LRP1B: variants seen among roughly 807,000 people sequenced by gnomAD.
LRP1B encodes LDL receptor related protein 1B.
Under a neutral mutation model 556.6 loss-of-function variants are expected in LRP1B, and 217 were observed. The ratio of observed to expected loss-of-function variants is 0.39; its 90% confidence interval spans 0.35 to 0.44. The LOEUF (loss-of-function observed/expected upper bound fraction) is 0.44, where lower values mean the gene tolerates loss of function less well. Among genes scored for constraint, LRP1B ranks in the 20% least tolerant of loss-of-function variants. LRP1B has a pLI of 1.00. For synonymous variants in LRP1B, 2,047 were observed against 1,865.8 expected, an observed-to-expected ratio of 1.10 and a Z score of -2.50; for missense variants, 5,053 against 5,620.8, an observed-to-expected ratio of 0.90 and a Z score of 3.23.
chr2:141,746,186 G>A (rs1693909965), intron 2 of LRP1B, among the ~76,000 whole-genome samples: 1 of 152,076 alleles, frequency 6.6e-6, no homozygotes, highest in Non-Finnish European at 1.5e-5. Flanking sequence ...CAAGTCCACT[G>A]GCTCCAAGCC....
At chr2:140,705,723 A>G (rs1352208766) in intron 37 of LRP1B, among the ~76,000 whole-genome samples, 1 of 152,030 alleles carries the variant, frequency 6.6e-6, no homozygotes, top group African/African-American at 2.4e-5. Context: ...ATTCTAAGTA[A>G]AACTATTTTT....
rs1045647797 is a variant in LRP1B at position 140,456,176 on chromosome 2, C to T, written c.9963+279G>A. 3.9e-5 allele frequency among the ~76,000 whole-genome samples: 6 copies of T among 152,150 alleles called. No individual in the cohort carries two copies. In the South Asian group the frequency reaches 1.2e-3, roughly 32 times the overall value. On this transcript the variant is annotated intron_variant, in intron 62 of 90. Coordinates refer to ENST00000389484, the MANE Select transcript of LRP1B (RefSeq NM_018557.3). Reference sequence around the variant, plus strand: ...ATTTCCTGCTCTGTTTAAACTCCACCTCCCTTTACCCACTTAGGATTTGAG... The same window carrying T: ...ATTTCCTGCTCTGTTTAAACTCCACTTCCCTTTACCCACTTAGGATTTGAG...
chr2:141,537,218 T>C (rs887659005), intron 2 of LRP1B, among the ~76,000 whole-genome samples: 2 of 152,006 alleles, frequency 1.3e-5, no homozygotes, highest in African/African-American at 2.4e-5. Context: ...GAAGTACATA[T>C]TAGTGAAATG....
intron 1 of LRP1B, among the ~76,000 whole-genome samples, chr2:141,888,796 G>A (rs1699199266): frequency 6.6e-6 from 1 of 152,100 alleles, no homozygotes; most frequent in South Asian, 2.1e-4. Context: ...TGGAGGACAG[G>A]AGTGAAAAAT....
rs565975839 is a variant in LRP1B at position 140,935,236 on chromosome 2, T to A, written c.3137-12089A>T. ...GACTAGACAAAGAATTTAAAACAAC[T>A]GGCTTAAAGATGCATAAAAAAGTCA... On this transcript the variant is annotated intron_variant, in intron 20 of 90. Coordinates refer to ENST00000389484, the MANE Select transcript of LRP1B (RefSeq NM_018557.3). Among the ~76,000 whole-genome samples the A allele has an allele frequency of 6.6e-5, 10 of 152,170 alleles. No individual in the cohort carries two copies. The South Asian group carries it at 2.1e-3, about 32-fold the overall frequency.
chr2:141,597,911 G>T (rs1687580291), intron 2 of LRP1B, among the ~76,000 whole-genome samples: 2 of 151,254 alleles, frequency 1.3e-5, no homozygotes, highest in African/African-American at 4.9e-5. Context: ...GTTTCTTTTT[G>T]GGATAAAAAG....
At chr2:141,069,141 A>C (rs1699564200) in intron 7 of LRP1B, among the ~76,000 whole-genome samples, 1 of 152,024 alleles carries the variant, frequency 6.6e-6, no homozygotes. Flanking sequence ...GAACTCTGGC[A>C]AGTACAAATG....
At chr2:142,106,522 A>C (rs2104979294) in intron 1 of LRP1B, among the ~76,000 whole-genome samples, 1 of 152,296 alleles carries the variant, frequency 6.6e-6, no homozygotes, top group Non-Finnish European at 1.5e-5. Context: ...CACAAACCTA[A>C]ATCTTTGGCT....
At chr2:140,631,688 A>G (rs1425932900) in intron 41 of LRP1B, among the ~76,000 whole-genome samples, 1 of 152,204 alleles carries the variant, frequency 6.6e-6, no homozygotes, top group Non-Finnish European at 1.5e-5. Flanking sequence ...CATAATATAC[A>G]TGTTATTGGA....
intron 32 of LRP1B, among the ~76,000 whole-genome samples, chr2:140,803,553 C>T (rs1387601622): frequency 2.0e-5 from 3 of 152,004 alleles, no homozygotes; most frequent in African/African-American, 4.8e-5. Flanking sequence ...TCGCCTTGGC[C>T]TCCCAAAGTG....
intron 3 of LRP1B, among the ~76,000 whole-genome samples, chr2:141,473,347 A>G (rs1405244103): frequency 6.6e-6 from 1 of 152,188 alleles, no homozygotes; most frequent in Non-Finnish European, 1.5e-5. Flanking sequence ...TGTAGGTGTC[A>G]TTTGTCAATA....
At chr2:140,517,983 A>G (rs1041474720) in intron 49 of LRP1B, among the ~76,000 whole-genome samples, 12 of 152,058 alleles carry the variant, frequency 7.9e-5, no homozygotes, top group African/African-American at 2.7e-4. Context: ...TGCTGGGATT[A>G]CAGGTGTGAG....
intron 2 of LRP1B, among the ~76,000 whole-genome samples, chr2:141,643,547 A>G (rs564860919): frequency 6.6e-6 from 1 of 152,318 alleles, no homozygotes; most frequent in Non-Finnish European, 1.5e-5. Context: ...TCTTTCATGT[A>G]GGACTCCAGC....
intron 2 of LRP1B, among the ~76,000 whole-genome samples, chr2:141,668,048 C>G (rs1391223420): frequency 6.6e-6 from 1 of 152,130 alleles, no homozygotes; most frequent in Non-Finnish European, 1.5e-5. Context: ...GAAATTGTAG[C>G]TATGAAGCAT....
intron 1 of LRP1B, among the ~76,000 whole-genome samples, chr2:141,868,184 A>T (rs1051449611): frequency 6.6e-6 from 1 of 152,078 alleles, no homozygotes; most frequent in African/African-American, 2.4e-5. Context: ...TAACTACCGC[A>T]AAAGTGTTGC....
intron 7 of LRP1B, among the ~76,000 whole-genome samples, chr2:141,076,130 G>T (rs1240600608): frequency 6.6e-6 from 1 of 152,150 alleles, no homozygotes; most frequent in Non-Finnish European, 1.5e-5. Flanking sequence ...ATCTAAATTT[G>T]TTGGTTTAGT....
chr2:141,096,629 G>GGAGAGAGAGAGAGAGAGA (rs756327718), intron 7 of LRP1B, among the ~76,000 whole-genome samples: 2 of 59,738 alleles, frequency 3.3e-5, no homozygotes, highest in African/African-American at 7.3e-5. Flanking sequence ...GGGGAGAGGG[G>GGAGAGAGAGAGAGAGAGA]GAGAGAGAGA....
At chr2:141,031,637 G>A (rs1026265095) in intron 11 of LRP1B, among the ~76,000 whole-genome samples, 3 of 151,878 alleles carry the variant, frequency 2.0e-5, no homozygotes, top group Admixed American at 6.6e-5. Flanking sequence ...ACTGTTAGTA[G>A]ATAGATGTTT....
At position 141,131,407 on chromosome 2, in the gene LRP1B, T is replaced by TTA. The variant is rs67661603; in HGVS notation, c.1013+57012_1013+57013dup. Among the ~76,000 whole-genome samples, 885 of 110,694 alleles carry TTA rather than the reference T, an allele frequency of 8.0e-3. 34 individuals carry two copies. The highest frequency in any genetic ancestry group is 0.032 in the African/African-American group (830 of 25,856). 72.6% of individuals were successfully genotyped at this position (110,694 alleles called of 152,430 possible). A position where few individuals can be genotyped will look rare whatever the true frequency, so the allele number is the denominator to read the frequency against. Reference sequence around the variant, plus strand: ...GGTTACAAAATTATAATGCATAAAGTTATATATATATATATATATATATTT... The same window carrying TTA: ...GGTTACAAAATTATAATGCATAAAGTTATATATATATATATATATATATATTT... On this transcript the variant is annotated intron_variant, in intron 7 of 90. Transcript: ENST00000389484.
Sources: allele counts gnomAD v4.1 joint callset (sites outside exome capture counted in the v4.1 genomes callset), GRCh38; gene constraint gnomAD v4.1.1; transcripts MANE v1.5; gene names NCBI Gene and HGNC (gene_info 2026-07-23, HGNC 2026-07-21).